Variants in IFT88 observed in about 807,000 individuals in gnomAD.
IFT88 encodes the protein intraflagellar transport 88.
Under a neutral mutation model 119.5 loss-of-function variants are expected in IFT88, and 74 were observed. That is an observed-to-expected ratio of 0.62 (90% CI 0.51 to 0.75). The LOEUF is 0.75. Among genes scored for constraint, IFT88 ranks in the 30% least tolerant of loss-of-function variants. The probability of loss-of-function intolerance (pLI) is 0.00; values close to 1 mark genes in which losing one functional copy is unlikely to be tolerated. For synonymous variants in IFT88, 279 were observed against 316.7 expected (o/e 0.88, Z 1.26); for missense variants, 961 against 977.7 (o/e 0.98, Z 0.23).
intron 2 of IFT88, among the ~76,000 whole-genome samples, chr13:20,577,792 C>T (rs376457658): frequency 3.4e-4 from 51 of 152,214 alleles, no homozygotes; most frequent in African/African-American, 1.2e-3. Flanking sequence ...CAATGTTCAT[C>T]AGGGATGTTG....
chr13:20,567,648 C>A, intron 1 of IFT88: 1 of 797,958 alleles, frequency 1.3e-6, no homozygotes, highest in Non-Finnish European at 1.6e-6. Flanking sequence ...TGGTGCACAT[C>A]GCTCTTTAAT....
At chr13:20,665,560 A>G (rs534350839) in intron 23 of IFT88, among the ~76,000 whole-genome samples, 132 of 152,368 alleles carry the variant, frequency 8.7e-4, no homozygotes, top group African/African-American at 3.1e-3. Flanking sequence ...ACTACTGAAC[A>G]GAATATATCC....
intron 16 of IFT88, chr13:20,631,341 G>A (rs982631957): frequency 4.5e-6 from 2 of 441,668 alleles, no homozygotes; most frequent in African/African-American, 2.0e-5. Context: ...GATAAGCATC[G>A]CATCATAGAT....
At chr13:20,633,733 G>C (rs767674348) in intron 16 of IFT88, among the ~76,000 whole-genome samples, 1 of 152,132 alleles carries the variant, frequency 6.6e-6, no homozygotes, top group African/African-American at 2.4e-5. Context: ...ACTTGGTTCT[G>C]AAGAAAATGG....
chr13:20,618,820 C>T (rs2139749162), intron 14 of IFT88, among the ~76,000 whole-genome samples: 1 of 151,444 alleles, frequency 6.6e-6, no homozygotes, highest in Admixed American at 6.6e-5. Context: ...TACTATATTT[C>T]TGTTAACTTC....
chr13:20,568,024 G>T, intron 1 of IFT88: 1 of 712,922 alleles, frequency 1.4e-6, no homozygotes, highest in Non-Finnish European at 2.6e-6. Flanking sequence ...AAAAAAAATC[G>T]CAAAAAAGAA....
In IFT88 at chr13:20,616,212, A is replaced by G. The variant is rs375007469; in HGVS notation, c.1199+333A>G. ...CTGTCTCGAAATTGTAGCATGATGC[A>G]TTATTCACTTGTTTGTGGTGATGCT... On this transcript the variant is annotated intron_variant, in intron 14 of 25. Transcript: ENST00000351808. Among the ~76,000 whole-genome samples, 17 of 152,308 alleles carry G rather than the reference A, an allele frequency of 1.1e-4. No homozygotes were observed. In the East Asian group the frequency reaches 1.9e-3, roughly 17 times the overall value.
At chr13:20,681,761 A>G (rs1054518572) in intron 24 of IFT88, among the ~76,000 whole-genome samples, 2 of 152,254 alleles carry the variant, frequency 1.3e-5, no homozygotes, top group African/African-American at 4.8e-5. Context: ...GGAATGAACC[A>G]CATATGAAGA....
At position 20,591,676 on chromosome 13, in the gene IFT88, TGA is replaced by T; in HGVS notation, c.327_328del (p.Gly110LeufsTer4). 1.2e-6 allele frequency: 2 copies of T among 1,608,506 alleles called. No individual in the cohort carries two copies. Among genetic ancestry groups the T allele is most frequent in the Non-Finnish European group, 1.7e-6 (2 of 1,175,262 alleles). ...GCAGCTGGTTTTACCAAAGCAGCTTTGAGAGGTTTGTTACACTGTCTCTACTA... is the reference window on the plus strand; with the variant it reads ...GCAGCTGGTTTTACCAAAGCAGCTTTGAGGTTTGTTACACTGTCTCTACTA... On this transcript the variant is annotated frameshift_variant, in exon 6 of 26. Transcript: ENST00000351808. LOFTEE classifies it high-confidence loss of function.
chr13:20,619,487 T>C (rs1198575367), intron 14 of IFT88, among the ~76,000 whole-genome samples: 1 of 152,216 alleles, frequency 6.6e-6, no homozygotes, highest in African/African-American at 2.4e-5. Flanking sequence ...ACCGTACATA[T>C]TCTTTTGCAT....
At position 20,637,893 on chromosome 13, in the gene IFT88, C is replaced by T. The variant is rs2497491; in HGVS notation, c.1387-439C>T. ...ACGTGAATGATGGCAAGGCCCTGAC[C>T]GAGCATTTGGCATGGAGACGGAAAA... On this transcript the variant is annotated intron_variant, in intron 16 of 25. Coordinates refer to ENST00000351808, the MANE Select transcript of IFT88 (RefSeq NM_006531.5). Among the ~76,000 whole-genome samples, 1,033 of 152,198 alleles carry T rather than the reference C, an allele frequency of 6.8e-3. 15 individuals carry two copies. The highest frequency in any genetic ancestry group is 0.023 in the African/African-American group (937 of 41,522).
chr13:20,598,686 T>A lies in IFT88; in HGVS notation c.630T>A (p.Asn210Lys). The A allele has an allele frequency of 6.2e-7, 1 of 1,611,424 alleles. No homozygotes were observed. The highest frequency in any genetic ancestry group is 8.5e-7 in the Non-Finnish European group (1 of 1,178,234). The change falls in exon 10 of 26, where the codon AAT becomes AAA. Residue 210 changes from asparagine to lysine, a missense_variant. Transcript: ENST00000351808. ...ATTTGGCCAGTCAGTATTCAGTTAA[T>A]GAAATGTATGCCGAAGCACTTAACA... ...LFNLASQYSV[N>K]EMYAEALNTY... is the part of the protein sequence containing the mutation.
At chr13:20,656,156 C>G (rs2052759423) in intron 21 of IFT88, among the ~76,000 whole-genome samples, 3 of 137,710 alleles carry the variant, frequency 2.2e-5, no homozygotes, top group Admixed American at 1.5e-4. Flanking sequence ...TAAATTTCAG[C>G]TATCACCCAT....
chr13:20,627,621 C>T (rs1340629297), intron 15 of IFT88, among the ~76,000 whole-genome samples: 3 of 150,342 alleles, frequency 2.0e-5, no homozygotes, highest in African/African-American at 7.3e-5. Flanking sequence ...GTCCCAGCTA[C>T]TCGGGAGGCT....
At position 20,568,229 on chromosome 13, in the gene IFT88, G is replaced by T. The variant is rs118009094; in HGVS notation, c.-7+973G>T. Among the ~76,000 whole-genome samples, 1,260 of 152,154 alleles carry T rather than the reference G, an allele frequency of 8.3e-3. 13 individuals carry two copies. Among genetic ancestry groups the T allele is most frequent in the Middle Eastern group, 0.024 (7 of 292 alleles). Reference sequence around the variant, plus strand: ...ATTTGATTTATATTAAACATAGGTGGCATCATCCCCAGATTATTTCAACAT... The same window carrying T: ...ATTTGATTTATATTAAACATAGGTGTCATCATCCCCAGATTATTTCAACAT... On this transcript the variant is annotated intron_variant, in intron 1 of 25. Transcript: ENST00000351808.
intron 24 of IFT88, among the ~76,000 whole-genome samples, chr13:20,680,308 G>A (rs776824293): frequency 2.0e-4 from 31 of 152,252 alleles, no homozygotes; most frequent in Non-Finnish European, 4.0e-4. Context: ...ATCCCAACAA[G>A]ATATTCATAA....
intron 3 of IFT88, among the ~76,000 whole-genome samples, chr13:20,586,482 T>G (rs2039681674): frequency 6.6e-6 from 1 of 152,128 alleles, no homozygotes; most frequent in African/African-American, 2.4e-5. Flanking sequence ...AGAGATTGCT[T>G]AGAAGATAAA....
chr13:20,686,850 A>T (rs1017798691), intron 24 of IFT88, among the ~76,000 whole-genome samples: 1 of 152,010 alleles, frequency 6.6e-6, no homozygotes, highest in Non-Finnish European at 1.5e-5. Context: ...TTTTCACCAA[A>T]GTTTATGTAG....
At chr13:20,573,318 T>G (rs2036748811) in intron 1 of IFT88, among the ~76,000 whole-genome samples, 1 of 151,936 alleles carries the variant, frequency 6.6e-6, no homozygotes, top group East Asian at 1.9e-4. Context: ...ATCAGCCCAC[T>G]CCCTGCCCCA....
Sources: gnomAD v4.1 joint callset for allele counts (sites outside exome capture counted in the v4.1 genomes callset) on GRCh38, gnomAD v4.1.1 for gene constraint, MANE v1.5 for transcripts, NCBI Gene and HGNC (gene_info 2026-07-23, HGNC 2026-07-21) for gene names.